The following LTBP1 variants were observed in gnomAD, a reference collection of about 807,000 sequenced individuals.
LTBP1 encodes the protein latent transforming growth factor beta binding protein 1.
In LTBP1, 129 loss-of-function variants were observed where a neutral mutation model predicts 207.6. The observed-to-expected ratio is 0.62, with a 90% CI of 0.54 to 0.72. The LOEUF (loss-of-function observed/expected upper bound fraction) is 0.72. LTBP1 is among the 30% of genes least tolerant of loss of function. LTBP1 has a pLI of 0.00. For synonymous variants in LTBP1, 963 were observed against 833.7 expected, an observed-to-expected ratio of 1.16 and a Z score of -2.67; for missense variants, 2,281 against 2,217.2, an observed-to-expected ratio of 1.03 and a Z score of -0.58.
intron 33 of LTBP1, 93 bp from the exon 34 acceptor site, chr2:33,398,271 G>T: frequency 8.6e-7 from 1 of 1,158,202 alleles, no homozygotes; most frequent in Non-Finnish European, 1.2e-6. Context: ...TCCTTGGGGT[G>T]GTCGGGGGAA....
At chr2:33,006,209 C>T (rs556469252) in intron 2 of LTBP1, among the ~76,000 whole-genome samples, 118 of 152,230 alleles carry the variant, frequency 7.8e-4, no homozygotes, top group African/African-American at 2.8e-3. Flanking sequence ...AGGCGTGAGC[C>T]ACTGCACCTG....
At chr2:33,127,224 T>C (rs2081482967) in intron 4 of LTBP1, among the ~76,000 whole-genome samples, 2 of 152,094 alleles carry the variant, frequency 1.3e-5, no homozygotes, top group Admixed American at 6.5e-5. Context: ...GCCTTGTCTT[T>C]TGACTCTTTT....
chr2:33,291,329 C>G (rs2093770673), intron 19 of LTBP1, among the ~76,000 whole-genome samples: 1 of 152,182 alleles, frequency 6.6e-6, no homozygotes, highest in Non-Finnish European at 1.5e-5. Flanking sequence ...ATTCTACAGC[C>G]TTATAAATCA....
At chr2:33,242,019 C>T (rs1333216913) in intron 9 of LTBP1, among the ~76,000 whole-genome samples, 1 of 152,130 alleles carries the variant, frequency 6.6e-6, no homozygotes, top group Non-Finnish European at 1.5e-5. Flanking sequence ...GTTGGAACAC[C>T]ATAGAATTTA....
At chr2:32,952,240 C>A (rs1436247425) in intron 2 of LTBP1, among the ~76,000 whole-genome samples, 3 of 152,118 alleles carry the variant, frequency 2.0e-5, no homozygotes, top group African/African-American at 7.2e-5. Context: ...ATTTAGTGAA[C>A]CTTAAATTGC....
chr2:33,355,015 A>G (rs1210665842), intron 26 of LTBP1, among the ~76,000 whole-genome samples: 2 of 152,176 alleles, frequency 1.3e-5, no homozygotes, highest in Admixed American at 1.3e-4. Flanking sequence ...TTAGAAATGC[A>G]TTTTGGATCC....
chr2:33,163,967 A>T (rs79405526), intron 5 of LTBP1, among the ~76,000 whole-genome samples: 22 of 149,618 alleles, frequency 1.5e-4, no homozygotes, highest in East Asian at 2.0e-4. Context: ...ATTGATTCTT[A>T]TTTTTTTTTT....
At chr2:33,333,143 A>G (rs916801434) in intron 24 of LTBP1, 11 of 152,190 alleles carry the variant, frequency 7.2e-5, no homozygotes, top group African/African-American at 2.2e-4. Context: ...TTCTAAAAAG[A>G]TGCACATTTT....
intron 25 of LTBP1, among the ~76,000 whole-genome samples, chr2:33,345,624 A>G (rs2149729109): frequency 6.6e-6 from 1 of 152,324 alleles, no homozygotes; most frequent in South Asian, 2.1e-4. Context: ...CACAAGTGAA[A>G]CCAGTTCATT....
At chr2:32,972,614 A>T (rs914057190) in intron 2 of LTBP1, among the ~76,000 whole-genome samples, 1 of 152,146 alleles carries the variant, frequency 6.6e-6, no homozygotes, top group Non-Finnish European at 1.5e-5. Flanking sequence ...GCCAAATCTC[A>T]TCCCAAATTG....
intron 24 of LTBP1, 137 bp downstream of exon 24, chr2:33,315,406 C>A: frequency 9.3e-7 from 1 of 1,079,386 alleles, no homozygotes; most frequent in Non-Finnish European, 1.3e-6. Context: ...TCAAAGTAAA[C>A]CATATCTGAA....
At chr2:33,234,882 A>G (rs1250329790) in intron 9 of LTBP1, among the ~76,000 whole-genome samples, 1 of 152,088 alleles carries the variant, frequency 6.6e-6, no homozygotes, top group Non-Finnish European at 1.5e-5. Flanking sequence ...TTCCTCACAC[A>G]TTATACAAAA....
intron 29 of LTBP1, among the ~76,000 whole-genome samples, chr2:33,363,730 G>A (rs1246949872): frequency 6.6e-6 from 1 of 152,118 alleles, no homozygotes; most frequent in Admixed American, 6.5e-5. Flanking sequence ...TTCAAACAAA[G>A]AGTTAATATT....
At chr2:33,228,718 T>TTTTTTTTTTTTTTTTTTTTTTTG (rs2091606425) in intron 9 of LTBP1, among the ~76,000 whole-genome samples, 1 of 142,940 alleles carries the variant, frequency 7.0e-6, no homozygotes, top group African/African-American at 2.7e-5. Context: ...TTTTTTTTTT[T>TTTTTTTTTTTTTTTTTTTTTTTG]GAGATGGAGT....
intron 5 of LTBP1, among the ~76,000 whole-genome samples, chr2:33,163,076 G>T (rs2084599851): frequency 6.6e-6 from 1 of 152,172 alleles, no homozygotes; most frequent in Non-Finnish European, 1.5e-5. Context: ...CTGCCCCCTG[G>T]GCTCGAGCAA....
intron 19 of LTBP1, among the ~76,000 whole-genome samples, chr2:33,291,079 T>C (rs1040284543): frequency 1.3e-5 from 2 of 152,242 alleles, no homozygotes; most frequent in Non-Finnish European, 2.9e-5. Context: ...CAAACTGTTC[T>C]ATCTACGGTG....
intron 10 of LTBP1, among the ~76,000 whole-genome samples, chr2:33,246,640 G>A (rs947996984): frequency 6.6e-6 from 1 of 152,168 alleles, no homozygotes; most frequent in African/African-American, 2.4e-5. Flanking sequence ...CATATCCAGA[G>A]CATACAAGGT....
intron 19 of LTBP1, among the ~76,000 whole-genome samples, chr2:33,288,765 G>A (rs1429314960): frequency 6.6e-6 from 1 of 150,786 alleles, no homozygotes; most frequent in Non-Finnish European, 1.5e-5. Flanking sequence ...TGAGGCAGGA[G>A]AATCGCTTGA....
intron 3 of LTBP1, among the ~76,000 whole-genome samples, chr2:33,023,748 A>G (rs1014433290): frequency 6.6e-6 from 1 of 152,238 alleles, no homozygotes. Flanking sequence ...CAAATGAGCT[A>G]TACAAAGGAA....
Sources: allele counts gnomAD v4.1 joint callset (sites outside exome capture counted in the v4.1 genomes callset), GRCh38; gene constraint gnomAD v4.1.1; transcripts MANE v1.5; gene names NCBI Gene and HGNC (gene_info 2026-07-23, HGNC 2026-07-21).